The following RAD51B variants were observed in gnomAD, a reference collection of about 807,000 sequenced individuals.
RAD51B encodes the protein RAD51 paralog B.
A neutral mutation model predicts 42.2 loss-of-function variants in RAD51B; 38 were observed. The observed-to-expected ratio is 0.90, with a 90% confidence interval of 0.70 to 1.18. The LOEUF (loss-of-function observed/expected upper bound fraction) is 1.18, where lower values mean the gene tolerates loss of function less well. Ranked by LOEUF, RAD51B falls within the 50% of genes most tolerant of loss-of-function variation. RAD51B has a pLI of 0.00. For missense variants in RAD51B, 373 were observed against 400.7 expected (o/e 0.93, Z 0.59); for synonymous variants, 154 against 145.2 (o/e 1.06, Z -0.43).
rs571999399 is a variant in RAD51B, at chr14:68,091,491, A to G, written c.757-200393A>G. ...TTTTTCATGTGTTTTTTGGCTCCAT[A>G]AATGTCTTCTTTTGAGAAGTGTCTG... On this transcript the variant is annotated intron_variant, in intron 7 of 10. Coordinates refer to ENST00000471583, the MANE Select transcript of RAD51B (RefSeq NM_133510.4). Among the ~76,000 whole-genome samples the G allele has an allele frequency of 4.2e-3, 635 of 152,280 alleles. 8 individuals are homozygous for G. The highest frequency in any genetic ancestry group is 0.021 in the South Asian group (99 of 4,814).
intron 4 of RAD51B, among the ~76,000 whole-genome samples, chr14:67,852,921 A>G (rs981920575): frequency 2.0e-5 from 3 of 152,200 alleles, no homozygotes; most frequent in African/African-American, 7.2e-5. Context: ...TCCCATGATT[A>G]TTATATGTTA....
At chr14:68,520,706 G>A (rs560357747) in intron 10 of RAD51B, among the ~76,000 whole-genome samples, 1 of 152,292 alleles carries the variant, frequency 6.6e-6, no homozygotes, top group Admixed American at 6.5e-5. Flanking sequence ...CAAATACATA[G>A]TGAGGACCTA....
chr14:68,398,749 T>C (rs2083999886), intron 8 of RAD51B, among the ~76,000 whole-genome samples: 1 of 152,196 alleles, frequency 6.6e-6, no homozygotes. Flanking sequence ...GAATGATGTC[T>C]TCTGAGATTA....
Position 68,371,045 on chromosome 14 carries a change from AAAAAAAAAAAG to A in RAD51B, c.854-40371_854-40361del, listed in dbSNP as rs1348081311. Among the ~76,000 whole-genome samples, 627 of 132,760 alleles carry A rather than the reference AAAAAAAAAAAG, an allele frequency of 4.7e-3. 17 individuals are homozygous for A. Among genetic ancestry groups the A allele is most frequent in the Non-Finnish European group, 7.8e-3 (492 of 62,892 alleles). The allele number at this position is 132,760 out of a possible 152,430, so 87.1% of individuals were successfully genotyped here. ...GAGCAAGACTCTGTCTCAAAAAAAA[AAAAAAAAAAAG>A]AAAAAAAGAAAAGAAAATTAAAAAA... On this transcript the variant is annotated intron_variant, in intron 8 of 10. Coordinates refer to ENST00000471583, the MANE Select transcript of RAD51B (RefSeq NM_133510.4).
intron 8 of RAD51B, among the ~76,000 whole-genome samples, chr14:68,369,647 T>C (rs948682492): frequency 2.6e-5 from 4 of 152,190 alleles, no homozygotes; most frequent in Non-Finnish European, 5.9e-5. Flanking sequence ...TCTTTCACTT[T>C]CCCTATCGAT....
intron 7 of RAD51B, among the ~76,000 whole-genome samples, chr14:68,093,867 G>C (rs1397565852): frequency 6.6e-6 from 1 of 152,090 alleles, no homozygotes. Flanking sequence ...ATGTACTGAG[G>C]GGTAGGATTG....
rs184245631 is a variant in RAD51B at position 67,935,427 on chromosome 14, C to T, written c.756+48223C>T. Among the ~76,000 whole-genome samples the T allele has an allele frequency of 1.1e-3, 174 of 152,182 alleles. 2 individuals carry two copies. Among genetic ancestry groups the T allele is most frequent in the East Asian group, 5.6e-3 (29 of 5,182 alleles). On this transcript the variant is annotated intron_variant, in intron 7 of 10. Transcript: ENST00000471583. ...TTGCCCAAATGGGAGTTCAATGGCT[C>T]GATTATAGCTCACTGCAGCTTTCAC...
chr14:67,872,622 C>T (rs1211718505), intron 5 of RAD51B, among the ~76,000 whole-genome samples: 6 of 151,470 alleles, frequency 4.0e-5, no homozygotes, highest in South Asian at 4.2e-4. Context: ...AAAGAGCCCG[C>T]ATCGCCAAGT....
At chr14:68,497,244 T>C (rs1884596318) in intron 10 of RAD51B, 3 of 1,361,300 alleles carry the variant, frequency 2.2e-6, no homozygotes, top group Non-Finnish European at 2.9e-6. Flanking sequence ...ACACCCATCG[T>C]TCTCTGCTAA....
intron 7 of RAD51B, among the ~76,000 whole-genome samples, chr14:67,925,730 G>T (rs1023197717): frequency 1.3e-5 from 2 of 152,218 alleles, no homozygotes; most frequent in African/African-American, 4.8e-5. Flanking sequence ...TCAAACTTCT[G>T]CCTGGGCATC....
chr14:67,867,309 A>G (rs2042361544), intron 5 of RAD51B, among the ~76,000 whole-genome samples: 2 of 152,214 alleles, frequency 1.3e-5, no homozygotes, highest in East Asian at 1.9e-4. Context: ...AAAGAACAGT[A>G]GCTTAAACAA....
chr14:68,109,702 G>A (rs540258534), intron 7 of RAD51B, among the ~76,000 whole-genome samples: 1 of 151,962 alleles, frequency 6.6e-6, no homozygotes, highest in Non-Finnish European at 1.5e-5. Context: ...TGTGGTGATT[G>A]GCCCAGGCAT....
chr14:68,673,698 TAC>T (rs1369821361), intron 11 of RAD51B, among the ~76,000 whole-genome samples: 3 of 144,236 alleles, frequency 2.1e-5, no homozygotes, highest in African/African-American at 7.8e-5. Context: ...TGCACACACA[TAC>T]ACATACTGTA....
chr14:68,003,927 T>G (rs1347784867), intron 7 of RAD51B, among the ~76,000 whole-genome samples: 1 of 152,342 alleles, frequency 6.6e-6, no homozygotes, highest in South Asian at 2.1e-4. Context: ...AGTAAAATTT[T>G]GTAATTTTTA....
chr14:68,204,021 C>A (rs2079539429), intron 7 of RAD51B, among the ~76,000 whole-genome samples: 1 of 152,116 alleles, frequency 6.6e-6, no homozygotes, highest in South Asian at 2.1e-4. Context: ...GGTTGTTTTG[C>A]CTTCTTATCA....
intron 8 of RAD51B, among the ~76,000 whole-genome samples, chr14:68,367,468 A>G (rs926920990): frequency 4.6e-5 from 7 of 152,212 alleles, no homozygotes; most frequent in Non-Finnish European, 1.0e-4. Flanking sequence ...AATGCCTACT[A>G]TATATCAGAC....
intron 7 of RAD51B, among the ~76,000 whole-genome samples, chr14:67,958,660 T>C (rs1225964922): frequency 6.6e-6 from 1 of 152,238 alleles, no homozygotes; most frequent in Non-Finnish European, 1.5e-5. Context: ...TGTGGGATGA[T>C]TGAATGTAAA....
intron 10 of RAD51B, chr14:68,563,875 T>C (rs550740783): frequency 2.0e-6 from 2 of 985,482 alleles, no homozygotes; most frequent in Admixed American, 1.2e-4. Context: ...GGCAAGCCTG[T>C]GCTCTGCAGC....
At chr14:68,000,720 C>T (rs1566568772) in intron 7 of RAD51B, among the ~76,000 whole-genome samples, 1 of 151,990 alleles carries the variant, frequency 6.6e-6, no homozygotes. Context: ...AAAAATAAGC[C>T]TCATGGAGAA....
Sources: gnomAD v4.1 joint callset for allele counts (sites outside exome capture counted in the v4.1 genomes callset) on GRCh38, gnomAD v4.1.1 for gene constraint, MANE v1.5 for transcripts, NCBI Gene and HGNC (gene_info 2026-07-23, HGNC 2026-07-21) for gene names.